The following CELF2 variants were observed in gnomAD, a reference collection of about 807,000 sequenced individuals.
The protein encoded by CELF2 is CUGBP Elav-like family member 2, also known as CUG triplet repeat RNA-binding protein 2.
A neutral mutation model predicts 62.6 loss-of-function variants in CELF2; 8 were observed. That is an observed-to-expected ratio of 0.13 (90% CI 0.07 to 0.23). The LOEUF is 0.23. Among genes scored for constraint, CELF2 ranks in the 10% least tolerant of loss-of-function variants. CELF2 has a pLI of 1.00. For missense variants in CELF2, 333 were observed against 671.0 expected (o/e 0.50, Z 5.56); for synonymous variants, 258 against 250.0 (o/e 1.03, Z -0.30).
At chr10:10,621,261 A>G in the CELF2 span, among the ~76,000 whole-genome samples, 1 of 150,136 alleles carries the variant, frequency 6.7e-6, no homozygotes, top group Non-Finnish European at 1.5e-5. Context: ...AAAAAAAAAA[A>G]AAAAGGCTAC....
intron 2 of CELF2, chr10:10,924,039 A>G (rs558039539): frequency 7.2e-5 from 11 of 152,170 alleles, no homozygotes; most frequent in South Asian, 2.1e-4. Flanking sequence ...TTCAAATGGA[A>G]TGAGGTTTCA....
At chr10:11,307,563 A>C (rs1218007315) in intron 9 of CELF2, among the ~76,000 whole-genome samples, 1 of 152,360 alleles carries the variant, frequency 6.6e-6, no homozygotes, top group East Asian at 1.9e-4. Context: ...ACAGTGCCAA[A>C]TTCATTACAT....
At chr10:10,703,633 A>G in the CELF2 span, among the ~76,000 whole-genome samples, 1 of 152,236 alleles carries the variant, frequency 6.6e-6, no homozygotes, top group African/African-American at 2.4e-5. Context: ...AGATGGTTCT[A>G]ATGTACAGCT....
chr10:11,194,701 A>G (rs534365145), intron 2 of CELF2, among the ~76,000 whole-genome samples: 7 of 152,350 alleles, frequency 4.6e-5, no homozygotes, highest in African/African-American at 1.7e-4. Context: ...TTTACTGTGA[A>G]TATAATGGTA....
chr10:10,948,785 G>A (rs993379823), intron 2 of CELF2, among the ~76,000 whole-genome samples: 2 of 152,126 alleles, frequency 1.3e-5, no homozygotes, highest in South Asian at 2.1e-4. Flanking sequence ...ATGTTTTTAC[G>A]TTCTAAATCT....
At chr10:10,735,886 C>T in the CELF2 span, among the ~76,000 whole-genome samples, 12 of 152,198 alleles carry the variant, frequency 7.9e-5, no homozygotes, top group South Asian at 2.5e-3. Context: ...ATGTGAGCAC[C>T]ATGACAGATT....
the CELF2 span, among the ~76,000 whole-genome samples, chr10:10,687,734 A>G: frequency 1.3e-5 from 2 of 152,198 alleles, no homozygotes; most frequent in African/African-American, 2.4e-5. Flanking sequence ...AATGCTGTCT[A>G]AAAGACCTCA....
At chr10:10,494,710 A>G in the CELF2 span, among the ~76,000 whole-genome samples, 85 of 152,270 alleles carry the variant, frequency 5.6e-4, no homozygotes, top group African/African-American at 2.0e-3. Context: ...TGTGTTCATC[A>G]TTGTACCTGA....
chr10:11,322,114 A>T (rs752347947), intron 11 of CELF2, among the ~76,000 whole-genome samples: 2 of 152,262 alleles, frequency 1.3e-5, no homozygotes, highest in South Asian at 2.1e-4. Context: ...GGGGAAGGGG[A>T]TGGATGGCCA....
At chr10:10,658,746 T>C in the CELF2 span, among the ~76,000 whole-genome samples, 1 of 152,172 alleles carries the variant, frequency 6.6e-6, no homozygotes, top group African/African-American at 2.4e-5. Flanking sequence ...CTCTTGTCTC[T>C]TCCTTTTTGG....
At chr10:11,026,581 A>G (rs1268696485) in intron 1 of CELF2, among the ~76,000 whole-genome samples, 1 of 152,228 alleles carries the variant, frequency 6.6e-6, no homozygotes, top group African/African-American at 2.4e-5. Flanking sequence ...TTCACTCCTG[A>G]ATCTCTGTAC....
upstream of CELF2, among the ~76,000 whole-genome samples, chr10:11,000,650 G>A (rs1360373474): frequency 6.6e-6 from 1 of 152,122 alleles, no homozygotes; most frequent in African/African-American, 2.4e-5. Flanking sequence ...TCATTTTTGA[G>A]TTGCTCAAGT....
chr10:11,090,156 A>G (rs762993998), intron 1 of CELF2, among the ~76,000 whole-genome samples: 2 of 151,870 alleles, frequency 1.3e-5, no homozygotes, highest in Non-Finnish European at 2.9e-5. Context: ...AAACCTGCAC[A>G]TGTAATCCCT....
intron 2 of CELF2, among the ~76,000 whole-genome samples, chr10:11,190,533 A>G (rs1228209007): frequency 6.6e-6 from 1 of 152,020 alleles, no homozygotes; most frequent in Non-Finnish European, 1.5e-5. Context: ...CCCACAACCA[A>G]GCATGGTACG....
chr10:11,317,282 G>A (rs1012967407), intron 10 of CELF2: 1 of 151,874 alleles, frequency 6.6e-6, no homozygotes, highest in Admixed American at 6.6e-5. Flanking sequence ...TTCGTGGCTT[G>A]GCACTACTTG....
chr10:11,163,469 A>G (rs1457967274), intron 1 of CELF2, among the ~76,000 whole-genome samples: 1 of 152,214 alleles, frequency 6.6e-6, no homozygotes, highest in Non-Finnish European at 1.5e-5. Flanking sequence ...CCACAGACCC[A>G]CAGGGTTCAA....
At chr10:10,830,279 T>TA (rs57725749) in intron 1 of CELF2, among the ~76,000 whole-genome samples, 46,407 of 122,344 alleles carry the variant, frequency 0.38, 9,880 homozygotes, top group African/African-American at 0.58. Flanking sequence ...GGAGTTCCTT[T>TA]AAAAAAAAAA....
intron 2 of CELF2, among the ~76,000 whole-genome samples, chr10:10,937,234 C>T (rs889451584): frequency 6.8e-6 from 1 of 148,126 alleles, no homozygotes; most frequent in Non-Finnish European, 1.5e-5. Flanking sequence ...CAGGTTCAAG[C>T]GATTCTTCTG....
At chr10:10,701,437 C>T in the CELF2 span, among the ~76,000 whole-genome samples, 2 of 152,214 alleles carry the variant, frequency 1.3e-5, no homozygotes, top group African/African-American at 4.8e-5. Flanking sequence ...ATTTCCATCA[C>T]TCTCTTATCA....
Sources: gnomAD v4.1 joint callset for allele counts (sites outside exome capture counted in the v4.1 genomes callset) on GRCh38, gnomAD v4.1.1 for gene constraint, MANE v1.5 for transcripts, NCBI Gene and HGNC (gene_info 2026-07-23, HGNC 2026-07-21) for gene names.